IMMP2L: variants seen among roughly 807,000 people sequenced by gnomAD.
IMMP2L encodes mitochondrial inner membrane protease subunit 2.
Under a neutral mutation model 19.3 loss-of-function variants are expected in IMMP2L, and 18 were observed. That is an observed-to-expected ratio of 0.93 (90% CI 0.64 to 1.38). The LOEUF is 1.38. Among genes scored for constraint, IMMP2L ranks in the 40% most tolerant of loss-of-function variants. The pLI is 0.00. For synonymous variants in IMMP2L, 76 were observed against 73.0 expected (o/e 1.04, Z -0.21); for missense variants, 233 against 218.2 (o/e 1.07, Z -0.43).
intron 3 of IMMP2L, among the ~76,000 whole-genome samples, chr7:111,114,500 G>A (rs533619124): frequency 1.3e-5 from 2 of 152,284 alleles, no homozygotes; most frequent in South Asian, 2.1e-4. Flanking sequence ...CACTTTGTGA[G>A]TTCAAGGAGG....
At chr7:111,505,657 CATGT>C (rs1844812904) in intron 2 of IMMP2L, among the ~76,000 whole-genome samples, 5 of 152,090 alleles carry the variant, frequency 3.3e-5, no homozygotes, top group African/African-American at 4.8e-5. Context: ...ATGATGAGTT[CATGT>C]CCTTTGTAGG....
intron 4 of IMMP2L, among the ~76,000 whole-genome samples, chr7:110,890,143 G>C (rs1810649505): frequency 6.6e-6 from 1 of 152,080 alleles, no homozygotes; most frequent in Non-Finnish European, 1.5e-5. Context: ...TGTGACTATA[G>C]ACTATTTTTA....
At chr7:111,141,415 T>C (rs963943538) in intron 3 of IMMP2L, among the ~76,000 whole-genome samples, 4 of 152,016 alleles carry the variant, frequency 2.6e-5, no homozygotes, top group Admixed American at 6.6e-5. Flanking sequence ...CTGAGCCACA[T>C]AGTATGCCAG....
intron 3 of IMMP2L, among the ~76,000 whole-genome samples, chr7:111,038,523 T>A (rs1791572296): frequency 6.6e-6 from 1 of 152,128 alleles, no homozygotes; most frequent in Admixed American, 6.5e-5. Context: ...TCCTGAACGG[T>A]ATGCACTGAG....
chr7:111,259,813 TA>T (rs1817123767), intron 3 of IMMP2L, among the ~76,000 whole-genome samples: 1 of 152,136 alleles, frequency 6.6e-6, no homozygotes, highest in Non-Finnish European at 1.5e-5. Flanking sequence ...AGTCATTTTC[TA>T]TTTTAAAAAA....
chr7:111,349,360 C>T (rs1827903579), intron 3 of IMMP2L, among the ~76,000 whole-genome samples: 1 of 152,080 alleles, frequency 6.6e-6, no homozygotes, highest in African/African-American at 2.4e-5. Flanking sequence ...TTTCCACTCC[C>T]CCAAGAATTT....
intron 3 of IMMP2L, among the ~76,000 whole-genome samples, chr7:111,361,194 C>T (rs113986015): frequency 2.6e-5 from 4 of 152,214 alleles, no homozygotes; most frequent in African/African-American, 9.6e-5. Flanking sequence ...CTTCCTATTG[C>T]TGTAGTAGAA....
intron 2 of IMMP2L, among the ~76,000 whole-genome samples, chr7:111,512,135 A>G (rs990489899): frequency 2.0e-5 from 3 of 152,186 alleles, no homozygotes; most frequent in Admixed American, 6.5e-5. Context: ...CCAAACATTT[A>G]TCATCTGGTG....
chr7:110,989,176 G>A (rs1045274973), intron 3 of IMMP2L, among the ~76,000 whole-genome samples: 4 of 152,094 alleles, frequency 2.6e-5, no homozygotes, highest in South Asian at 2.1e-4. Flanking sequence ...CAGAGATTGC[G>A]GTGAGCCAAG....
At chr7:110,738,590 A>G (rs1021140478) in intron 5 of IMMP2L, among the ~76,000 whole-genome samples, 2 of 152,244 alleles carry the variant, frequency 1.3e-5, no homozygotes, top group African/African-American at 4.8e-5. Flanking sequence ...GTCCAAACCT[A>G]AGAATAATTG....
rs146198759 is a variant in IMMP2L at position 110,695,455 on chromosome 7, G to A, written c.409-31734C>T. ...AATCCTCCCACCTCAGCCTCCCAAA[G>A]TGCTGGGATTACAGGCATGTAATCC... On this transcript the variant is annotated intron_variant, in intron 5 of 5. Coordinates refer to ENST00000405709, the MANE Select transcript of IMMP2L (RefSeq NM_032549.4). Among the ~76,000 whole-genome samples, 138 of 152,164 alleles carry A rather than the reference G, an allele frequency of 9.1e-4. No individual in the cohort carries two copies. In the East Asian group the frequency reaches 0.023, roughly 26 times the overall value.
chr7:111,048,238 CAAAAAAAAAAAAAAAA>C (rs575701337), intron 3 of IMMP2L, among the ~76,000 whole-genome samples: 5 of 18,342 alleles, frequency 2.7e-4, no homozygotes, highest in African/African-American at 3.6e-4. Flanking sequence ...GACTCTGTCT[CAAAAAAAAAAAAAAAA>C]AAAAAAAAAA....
chr7:110,810,679 G>C (rs879467213), intron 5 of IMMP2L, among the ~76,000 whole-genome samples: 1 of 152,050 alleles, frequency 6.6e-6, no homozygotes, highest in Non-Finnish European at 1.5e-5. Flanking sequence ...TGGGATTAAT[G>C]AGCCTCAAAT....
intron 3 of IMMP2L, among the ~76,000 whole-genome samples, chr7:111,313,397 T>A (rs1037508584): frequency 6.6e-6 from 1 of 152,096 alleles, no homozygotes; most frequent in Non-Finnish European, 1.5e-5. Context: ...GGCAGATATA[T>A]AGATAAGAGA....
At chr7:111,229,778 A>C (rs978439806) in intron 3 of IMMP2L, among the ~76,000 whole-genome samples, 4 of 152,114 alleles carry the variant, frequency 2.6e-5, no homozygotes, top group African/African-American at 9.7e-5. Context: ...AATGTTTGAT[A>C]AAGTTCAATT....
chr7:111,225,959 G>A (rs1480276421), intron 3 of IMMP2L, among the ~76,000 whole-genome samples: 1 of 152,076 alleles, frequency 6.6e-6, no homozygotes, highest in Admixed American at 6.6e-5. Context: ...TCCTTAGGCA[G>A]TGGCTGGTAG....
intron 3 of IMMP2L, among the ~76,000 whole-genome samples, chr7:111,212,336 C>T (rs1811415961): frequency 6.6e-6 from 1 of 152,142 alleles, no homozygotes; most frequent in Admixed American, 6.5e-5. Flanking sequence ...CGGCCGGATG[C>T]AGTGCCTCAC....
intron 5 of IMMP2L, among the ~76,000 whole-genome samples, chr7:110,726,934 C>T (rs568706282): frequency 3.3e-5 from 5 of 152,234 alleles, no homozygotes; most frequent in African/African-American, 7.2e-5. Context: ...CACATCTGGT[C>T]ATGTCAAAGA....
intron 3 of IMMP2L, among the ~76,000 whole-genome samples, chr7:111,420,118 G>A (rs952376797): frequency 4.6e-5 from 7 of 151,688 alleles, no homozygotes; most frequent in African/African-American, 1.7e-4. Flanking sequence ...CAATAAAAAT[G>A]TTTCAATTGT....
Sources: allele counts gnomAD v4.1 joint callset (sites outside exome capture counted in the v4.1 genomes callset), GRCh38; gene constraint gnomAD v4.1.1; transcripts MANE v1.5; gene names NCBI Gene and HGNC (gene_info 2026-07-23, HGNC 2026-07-21).